AMELX: variants seen among roughly 807,000 people sequenced by gnomAD.
The protein encoded by AMELX is amelogenin X-linked, also known as amelogenin, X isoform.
In AMELX, 9 loss-of-function variants were observed where a neutral mutation model predicts 15.8. The observed-to-expected ratio is 0.57, with a 90% CI of 0.34 to 0.99. AMELX has a LOEUF of 0.99. Among genes scored for constraint, AMELX ranks in the 50% least tolerant of loss-of-function variants. The pLI, the probability that AMELX is intolerant of heterozygous loss-of-function variation, is 0.02. For missense variants in AMELX, 107 were observed against 156.2 expected (o/e 0.68, Z 1.68); for synonymous variants, 61 against 58.8 (o/e 1.04, Z -0.17).
At chrX:11,297,323 C>T (rs1279966014) in intron 3 of AMELX, among the ~76,000 whole-genome samples, 3 of 111,717 alleles carry the variant, frequency 2.7e-5, no homozygotes, top group Non-Finnish European at 3.8e-5. Context: ...TTTTGGACGT[C>T]GGGTTTGAGG....
At chrX:11,298,366 A>G in intron 4 of AMELX, 89 bp downstream of exon 4, 1 of 1,102,514 alleles carries the variant, frequency 9.1e-7, no homozygotes, top group Non-Finnish European at 1.3e-6. Flanking sequence ...TCTACTCCAC[A>G]TGCAGACATT....
chrX:11,309,482 C>A, the AMELX span, among the ~76,000 whole-genome samples: 2 of 110,502 alleles, frequency 1.8e-5, no homozygotes, highest in African/African-American at 6.6e-5. Context: ...AGTCAGACAC[C>A]CTGGGGAGCT....
the AMELX span, among the ~76,000 whole-genome samples, chrX:11,308,447 T>C: frequency 8.9e-6 from 1 of 111,963 alleles, no homozygotes; most frequent in Admixed American, 9.4e-5. Context: ...CAGCCATCTG[T>C]CTTTGCTGCA....
chrX:11,299,276 T>C (rs1056110088), intron 5 of AMELX, among the ~76,000 whole-genome samples: 3 of 111,988 alleles, frequency 2.7e-5, no homozygotes, highest in African/African-American at 9.7e-5. Context: ...CCCCATGAAT[T>C]TTAAGGGCAA....
chrX:11,303,371 C>T (rs920949939), downstream of AMELX, among the ~76,000 whole-genome samples: 1 of 112,071 alleles, frequency 8.9e-6, no homozygotes, highest in African/African-American at 3.2e-5. Context: ...CCTGACTCTT[C>T]CAGACGATAA....
chrX:11,308,464 G>A, the AMELX span, among the ~76,000 whole-genome samples: 1 of 111,615 alleles, frequency 9.0e-6, no homozygotes, highest in Non-Finnish European at 1.9e-5. Flanking sequence ...TGCATGGAGT[G>A]GCCACAGGAC....
downstream of AMELX, among the ~76,000 whole-genome samples, chrX:11,305,286 C>A (rs1176443550): frequency 9.0e-6 from 1 of 111,728 alleles, no homozygotes; most frequent in Non-Finnish European, 1.9e-5. Context: ...GTCTCTAAAT[C>A]AAAACTATCC....
intron 4 of AMELX, 60 bp downstream of exon 4, chrX:11,298,337 T>C (rs2048119187): frequency 8.7e-7 from 1 of 1,150,514 alleles, no homozygotes; most frequent in Admixed American, 2.2e-5. Flanking sequence ...AAAATTCCCA[T>C]ATTAAGTGAA....
At chrX:11,297,093 G>T (rs1156677084) in intron 3 of AMELX, among the ~76,000 whole-genome samples, 1 of 111,682 alleles carries the variant, frequency 9.0e-6, no homozygotes, top group Non-Finnish European at 1.9e-5. Context: ...ACTCAGGGAG[G>T]CTCCATGATA....
chrX:11,305,473 T>C (rs1407364740), downstream of AMELX, among the ~76,000 whole-genome samples: 1 of 112,556 alleles, frequency 8.9e-6, no homozygotes, highest in East Asian at 2.8e-4. Context: ...TATTTGTTTC[T>C]TGGGAGGTTA....
the AMELX span, among the ~76,000 whole-genome samples, chrX:11,305,900 GAGA>G: frequency 8.9e-6 from 1 of 112,093 alleles, no homozygotes; most frequent in African/African-American, 3.2e-5. Context: ...ATTGTAAGGA[GAGA>G]AGATGATTAA....
intron 1 of AMELX, among the ~76,000 whole-genome samples, chrX:11,294,265 A>C (rs1311562746): frequency 1.8e-5 from 2 of 112,175 alleles, no homozygotes; most frequent in Non-Finnish European, 3.8e-5. Context: ...TCTGGAACTA[A>C]AATCTATCTT....
downstream of AMELX, among the ~76,000 whole-genome samples, chrX:11,302,738 T>C (rs1299661658): frequency 1.8e-5 from 2 of 111,065 alleles, no homozygotes; most frequent in Non-Finnish European, 3.8e-5. Context: ...TTCTTTCCAT[T>C]ACAATCATTT....
chrX:11,301,035 G>T (rs367667470), downstream of AMELX, among the ~76,000 whole-genome samples: 1 of 111,568 alleles, frequency 9.0e-6, no homozygotes, highest in African/African-American at 3.2e-5. Flanking sequence ...ACCAAATGAA[G>T]GGAAGTTTAT....
the AMELX span, among the ~76,000 whole-genome samples, chrX:11,308,889 C>T: frequency 3.6e-5 from 4 of 112,087 alleles, no homozygotes; most frequent in African/African-American, 9.7e-5. Flanking sequence ...CTATGATTTG[C>T]TCTGAACTTT....
downstream of AMELX, among the ~76,000 whole-genome samples, chrX:11,301,560 G>A (rs182173933): frequency 2.7e-5 from 3 of 111,495 alleles, no homozygotes; most frequent in African/African-American, 9.8e-5. Context: ...ATCATTTTCT[G>A]GAATGAATAA....
chrX:11,307,090 T>G, the AMELX span, among the ~76,000 whole-genome samples: 60 of 110,862 alleles, frequency 5.4e-4, no homozygotes, highest in Non-Finnish European at 7.6e-4. Context: ...GCAAGTCCAG[T>G]GCTCGTAGAA....
downstream of AMELX, among the ~76,000 whole-genome samples, chrX:11,305,065 C>T (rs917490947): frequency 9.1e-6 from 1 of 110,450 alleles, no homozygotes; most frequent in African/African-American, 3.3e-5. Context: ...GGATCACAGG[C>T]GCGAGCCACT....
rs773193332 is a variant in AMELX, at chrX:11,295,788, A to G, written c.54+946A>G. ...GAGGGTATAGGACCTGACTAAAACC[A>G]TTCACATCCAGATGAGAGAGAATAA... On this transcript the variant is annotated intron_variant, in intron 2 of 5. Transcript: ENST00000380714. Among the ~76,000 whole-genome samples, 5 of 112,228 alleles carry G rather than the reference A, an allele frequency of 4.5e-5. No homozygotes were observed. In the East Asian group the frequency reaches 1.4e-3, roughly 31 times the overall value.
Sources: gnomAD v4.1 joint callset for allele counts (sites outside exome capture counted in the v4.1 genomes callset) on GRCh38, gnomAD v4.1.1 for gene constraint, MANE v1.5 for transcripts, NCBI Gene and HGNC (gene_info 2026-07-23, HGNC 2026-07-21) for gene names.